The following EZH2 variants were observed in gnomAD, a reference collection of about 807,000 sequenced individuals.
EZH2 encodes enhancer of zeste 2 polycomb repressive complex 2 subunit, also known as histone-lysine N-methyltransferase EZH2.
Under a neutral mutation model 98.4 loss-of-function variants are expected in EZH2, and 18 were observed. That is an observed-to-expected ratio of 0.18 (90% CI 0.13 to 0.27). The LOEUF is 0.27. EZH2 is among the 10% of genes least tolerant of loss of function. EZH2 has a pLI of 1.00. For missense variants in EZH2, 470 were observed against 935.1 expected (o/e 0.50, Z 6.49); for synonymous variants, 338 against 312.3 (o/e 1.08, Z -0.87).
chr7:148,842,167 G>A (rs1812622488), intron 3 of EZH2, among the ~76,000 whole-genome samples: 1 of 152,140 alleles, frequency 6.6e-6, no homozygotes, highest in Admixed American at 6.6e-5. Flanking sequence ...ATATTGGCAA[G>A]ATGGATTAAA....
At chr7:148,867,492 C>A (rs1478596522) in intron 1 of EZH2, among the ~76,000 whole-genome samples, 2 of 152,192 alleles carry the variant, frequency 1.3e-5, no homozygotes, top group East Asian at 3.8e-4. Context: ...TGAGTCTCCA[C>A]TGACCTATGG....
intron 1 of EZH2, among the ~76,000 whole-genome samples, chr7:148,866,520 G>GTATATACATATATATACA (rs1277516087): frequency 4.3e-5 from 4 of 92,140 alleles, no homozygotes; most frequent in South Asian, 3.8e-4. Context: ...ATATATATGT[G>GTATATACATATATATACA]TATATACATA....
At chr7:148,879,805 C>CA (rs566200113) in intron 1 of EZH2, among the ~76,000 whole-genome samples, 1,522 of 145,498 alleles carry the variant, frequency 0.01, 21 homozygotes, top group African/African-American at 0.035. Context: ...GACTCCGTCT[C>CA]AAAAAAAAAA....
intron 1 of EZH2, among the ~76,000 whole-genome samples, chr7:148,881,662 C>T (rs1490574615): frequency 6.6e-6 from 1 of 152,048 alleles, no homozygotes; most frequent in Admixed American, 6.5e-5. Flanking sequence ...CTAGGCTGGG[C>T]GTGGTGGCTC....
chr7:148,883,602 GCCCGCGCCTC>G (rs1039502661), intron 1 of EZH2: 14 of 150,112 alleles, frequency 9.3e-5, no homozygotes, highest in African/African-American at 3.4e-4. Flanking sequence ...CCCGGCAGCG[GCCCGCGCCTC>G]CCCACGCCCC....
intron 1 of EZH2, among the ~76,000 whole-genome samples, chr7:148,871,403 T>TA (rs71529646): frequency 0.37 from 33,221 of 88,714 alleles, 5,501 homozygotes; most frequent in Non-Finnish European, 0.39. Flanking sequence ...GACGAATAAT[T>TA]AAAAAAAAAA....
At chr7:148,859,432 G>A (rs1817342218) in intron 1 of EZH2, among the ~76,000 whole-genome samples, 1 of 152,120 alleles carries the variant, frequency 6.6e-6, no homozygotes, top group Non-Finnish European at 1.5e-5. Flanking sequence ...CTTGAGCCCA[G>A]GAAGCAGGGA....
At chr7:148,816,205 G>GA (rs1400001329) in intron 12 of EZH2, among the ~76,000 whole-genome samples, 1 of 152,146 alleles carries the variant, frequency 6.6e-6, no homozygotes, top group Non-Finnish European at 1.5e-5. Flanking sequence ...AAATCAGCCT[G>GA]AAAACATTCG....
At chr7:148,813,029 A>G (rs1803530722) in intron 15 of EZH2, among the ~76,000 whole-genome samples, 1 of 150,068 alleles carries the variant, frequency 6.7e-6, no homozygotes, top group Non-Finnish European at 1.5e-5. Context: ...AACAACAAAG[A>G]TATGTCTACT....
At position 148,874,194 on chromosome 7, in the gene EZH2, C is replaced by T. The variant is rs568105016; in HGVS notation, c.-8+9970G>A. 2.0e-5 allele frequency among the ~76,000 whole-genome samples: 3 copies of T among 152,274 alleles called. No individual in the cohort carries two copies. In the South Asian group the frequency reaches 6.2e-4, roughly 32 times the overall value. On this transcript the variant is annotated intron_variant, in intron 1 of 19. Transcript: ENST00000320356. ...TGAGCTCAGGAATCTTGAGACCAAC[C>T]TGGGCAACATAGTGAAACTCTGTCT...
rs1036018203 is a variant in EZH2 at position 148,851,412 on chromosome 7, A to G, written c.-7-4107T>C. Among the ~76,000 whole-genome samples, 5 of 152,264 alleles carry G rather than the reference A, an allele frequency of 3.3e-5. 1 individual carries two copies. In the Middle Eastern group the frequency reaches 0.01, roughly 311 times the overall value. On this transcript the variant is annotated intron_variant, in intron 1 of 19. Transcript: ENST00000320356. ...GTCTGGCAACAAAAACGAAATATAC[A>G]TGCAAACACACTTGGTTCTGTGCCT...
chr7:148,815,405 A>T (rs1055653575), intron 13 of EZH2, 101 bp downstream of exon 13: 3 of 1,250,278 alleles, frequency 2.4e-6, no homozygotes, highest in Non-Finnish European at 3.5e-6. Context: ...AGGCAATTAT[A>T]TTAGAATAAC....
At chr7:148,873,416 T>A (rs1563073260) in intron 1 of EZH2, among the ~76,000 whole-genome samples, 1 of 136,970 alleles carries the variant, frequency 7.3e-6, no homozygotes, top group Non-Finnish European at 1.5e-5. Context: ...CACTGGAACC[T>A]GGGAGGCAGA....
chr7:148,868,770 G>C (rs1005963975), intron 1 of EZH2, among the ~76,000 whole-genome samples: 1 of 152,096 alleles, frequency 6.6e-6, no homozygotes, highest in African/African-American at 2.4e-5. Flanking sequence ...TCTTTCTAGA[G>C]AATAAGAGAA....
At chr7:148,835,597 G>A (rs1428399464) in intron 3 of EZH2, among the ~76,000 whole-genome samples, 1 of 151,448 alleles carries the variant, frequency 6.6e-6, no homozygotes, top group Non-Finnish European at 1.5e-5. Flanking sequence ...GATACTGATA[G>A]TATCAAATAC....
intron 3 of EZH2, among the ~76,000 whole-genome samples, chr7:148,834,413 T>G (rs115363128): frequency 0.024 from 3,594 of 151,640 alleles, 135 homozygotes; most frequent in African/African-American, 0.084. Flanking sequence ...TTATTTAAAA[T>G]GTCTTAAAAA....
rs1214929329 is a variant in EZH2 at position 148,816,667 on chromosome 7, C to A, written c.1505+17G>T. On this transcript the variant is annotated intron_variant, in intron 12 of 19. Transcript: ENST00000320356. ...TATCTATGTTGACTTCTCTAAGGAG[C>A]TTCATGACAGACTCACCGGTGTTTC... 1 of 1,599,622 alleles carries A rather than the reference C, an allele frequency of 6.3e-7. No individual in the cohort carries two copies. The highest frequency in any genetic ancestry group is 8.6e-7 in the Non-Finnish European group (1 of 1,166,974).
intron 9 of EZH2, 89 bp from the exon 10 acceptor site, chr7:148,818,206 G>C: frequency 1.5e-6 from 2 of 1,290,408 alleles, no homozygotes; most frequent in Non-Finnish European, 2.1e-6. Context: ...AGCCAGGTTA[G>C]TCAAAAAATG....
At chr7:148,880,129 T>C (rs1022284254) in intron 1 of EZH2, among the ~76,000 whole-genome samples, 2 of 152,242 alleles carry the variant, frequency 1.3e-5, no homozygotes, top group Middle Eastern at 3.4e-3. Context: ...AACCACATAA[T>C]CTAAACACAA....
Sources: gnomAD v4.1 joint callset for allele counts (sites outside exome capture counted in the v4.1 genomes callset) on GRCh38, gnomAD v4.1.1 for gene constraint, MANE v1.5 for transcripts, NCBI Gene and HGNC (gene_info 2026-07-23, HGNC 2026-07-21) for gene names.